CERCAM: variants seen among roughly 807,000 people sequenced by gnomAD.
CERCAM encodes cerebral endothelial cell adhesion molecule.
CERCAM carries 59 observed loss-of-function variants against 66.0 expected under a neutral mutation model. That is an observed-to-expected ratio of 0.89 (90% CI 0.73 to 1.11). CERCAM has a LOEUF of 1.11. Ranked by LOEUF, CERCAM falls within the 50% of genes most tolerant of loss-of-function variation. The probability of loss-of-function intolerance (pLI) is 0.00; values close to 1 mark genes in which losing one functional copy is unlikely to be tolerated. For synonymous variants in CERCAM, 318 were observed against 343.6 expected (o/e 0.93, Z 0.83); for missense variants, 840 against 828.3 (o/e 1.01, Z -0.17).
rs778329192 is a variant in CERCAM, at chr9:128,428,310, G to T, written c.775G>T (p.Val259Phe). 1 of 1,613,938 alleles carries T rather than the reference G, an allele frequency of 6.2e-7. No homozygotes were observed. ...AYACQAAGVS[V>F]HVCNEHRYGY... ...TCAGCCTGTCTCTGCAGGGGTCTCCGTCCACGTGTGCAATGAGCACCGTTA... is the reference window on the plus strand; with the variant it reads ...TCAGCCTGTCTCTGCAGGGGTCTCCTTCCACGTGTGCAATGAGCACCGTTA... Residue 259 changes from valine to phenylalanine, a missense_variant, in exon 6 of 13, where the codon GTC (valine) becomes TTC (phenylalanine). Transcript: ENST00000372838.
intron 9 of CERCAM, 77 bp downstream of exon 9, chr9:128,431,380 C>T (rs1181405579): frequency 2.2e-5 from 34 of 1,570,162 alleles, no homozygotes; most frequent in Middle Eastern, 1.7e-4. Flanking sequence ...GCTCTGTGAA[C>T]GAGTGAGTGA....
At chr9:128,419,490 G>C (rs1021111236), upstream of CERCAM, 7 of 152,280 alleles carry the variant, frequency 4.6e-5, no homozygotes, top group African/African-American at 1.7e-4. Flanking sequence ...AGCTCTTCCT[G>C]TGTGTAAGCC....
intron 8 of CERCAM, 23 bp from the exon 9 acceptor site, chr9:128,431,148 C>A (rs1457826011): frequency 6.2e-7 from 1 of 1,611,142 alleles, no homozygotes; most frequent in Non-Finnish European, 8.5e-7. Flanking sequence ...CACCCCTCAC[C>A]CCGCCACACC....
At chr9:128,423,333 T>G (rs1312643254) in intron 3 of CERCAM, 70 bp downstream of exon 3, 26 of 1,314,454 alleles carry the variant, frequency 2.0e-5, no homozygotes, top group Admixed American at 3.5e-5. Flanking sequence ...AATCTGGGTA[T>G]AGGCTGGGTG....
chr9:128,429,265 C>T (rs972042246), intron 8 of CERCAM, among the ~76,000 whole-genome samples: 1 of 152,160 alleles, frequency 6.6e-6, no homozygotes, highest in Non-Finnish European at 1.5e-5. Flanking sequence ...GGCTGAGGCT[C>T]CAGGGCCTGG....
rs1293362885 is a variant in CERCAM at position 128,428,352 on chromosome 9, C to G, written c.817C>G (p.Pro273Ala). The change falls in exon 6 of 13, where the codon CCG (proline) becomes GCG (alanine). Residue 273 changes from proline to alanine, a missense_variant. Coordinates refer to ENST00000372838, the MANE Select transcript of CERCAM (RefSeq NM_016174.5). ...GCACCGTTATGGGTACATGAATGTG[C>G]CGGTGAAATCCCACCAGGGGCTGGA... ...NEHRYGYMNV[P>A]VKSHQGLEDE... is the part of the protein sequence containing the mutation. 1.2e-6 allele frequency: 2 copies of G among 1,614,072 alleles called. No individual in the cohort carries two copies. Among genetic ancestry groups the G allele is most frequent in the Non-Finnish European group, 1.7e-6 (2 of 1,179,994 alleles).
At position 128,424,288 on chromosome 9, in the gene CERCAM, G is replaced by A; in HGVS notation, c.561+16G>A. The stretch of plus-strand genomic sequence containing the variant: ...CACCCCCCAGGTGAGGCCGGGATGG[G>A]GGCCTTGGGTGGACTGAGGTCCTGG... On this transcript the variant is annotated intron_variant, in intron 4 of 12. Transcript: ENST00000372838. 6.2e-7 allele frequency: 1 copy of A among 1,613,736 alleles called. No individual in the cohort carries two copies. The highest frequency in any genetic ancestry group is 8.5e-7 in the Non-Finnish European group (1 of 1,179,810).
Position 128,421,006 on chromosome 9 carries a change from A to G in CERCAM, c.129A>G (p.Glu43=). 6.8e-7 allele frequency: 1 copy of G among 1,463,790 alleles called. No individual in the cohort carries two copies. Among genetic ancestry groups the G allele is most frequent in the Non-Finnish European group, 9.0e-7 (1 of 1,108,008 alleles). 90.7% of individuals were successfully genotyped at this position (1,463,790 alleles called of 1,614,324 possible). A position where few individuals can be genotyped will look rare whatever the true frequency, so the allele number is the denominator to read the frequency against. Residue 43 remains glutamate (E), a synonymous_variant, in exon 1 of 13, where the codon GAA becomes GAG. Transcript: ENST00000372838. ...TTGCCATCCTGGCCCGCAATGCCGA[A>G]CACTCGCTGCCCCACTACCTGGGCG... The part of the protein sequence containing the change: ...VVLAILARNA[E]HSLPHYLGAL...
At chr9:128,428,503 C>A (rs766610003) in intron 6 of CERCAM, 82 bp downstream of exon 6, 4 of 1,536,592 alleles carry the variant, frequency 2.6e-6, no homozygotes, top group Non-Finnish European at 1.8e-6. Flanking sequence ...AGGCCCTGGA[C>A]GGAGCGGGCA....
At chr9:128,432,994 C>T (rs970593863) in intron 9 of CERCAM, among the ~76,000 whole-genome samples, 9 of 151,784 alleles carry the variant, frequency 5.9e-5, no homozygotes, top group Non-Finnish European at 1.2e-4. Flanking sequence ...ATTAGCCCGG[C>T]GTTGGCCGGG....
At position 128,436,335 on chromosome 9, in the gene CERCAM, C is replaced by T. The variant is rs192210087; in HGVS notation, c.*430C>T. ...AGCTCACTGCAACCTCTGCCTCCCG[C>T]GTCCCGGATTCAAGCGATTCTCCTG... On this transcript the variant is annotated intron_variant, in intron 12 of 12. Coordinates refer to ENST00000372838, the MANE Select transcript of CERCAM (RefSeq NM_016174.5). Among the ~76,000 whole-genome samples the T allele has an allele frequency of 2.0e-3, 302 of 152,226 alleles. 2 individuals carry two copies. The highest frequency in any genetic ancestry group is 9.0e-3 in the Admixed American group (137 of 15,270).
At chr9:128,423,394 A>G (rs1186973810) in intron 3 of CERCAM, 131 bp downstream of exon 3, 1 of 718,882 alleles carries the variant, frequency 1.4e-6, no homozygotes, top group Non-Finnish European at 2.4e-6. Context: ...AGGCAGGTGG[A>G]TCACCTGAGG....
chr9:128,429,521 C>T (rs994293391), intron 8 of CERCAM, among the ~76,000 whole-genome samples: 1 of 152,196 alleles, frequency 6.6e-6, no homozygotes, highest in African/African-American at 2.4e-5. Flanking sequence ...CCCCGAGGAA[C>T]CCAGAGGCTA....
At chr9:128,419,300 C>A (rs1833657626), upstream of CERCAM, 1 of 152,302 alleles carries the variant, frequency 6.6e-6, no homozygotes, top group Non-Finnish European at 1.5e-5. Context: ...CCTCTATGGA[C>A]CTTCAGCCCT....
In CERCAM at chr9:128,420,996, G is replaced by T. The variant is rs1381559359; in HGVS notation, c.119G>T (p.Arg40Leu). ...LPAVVLAILA[R>L]NAEHSLPHYL... ...GCCGTGGTCCTTGCCATCCTGGCCC[G>T]CAATGCCGAACACTCGCTGCCCCAC... The change falls in exon 1 of 13, where the codon CGC (arginine) becomes CTC (leucine). Residue 40 changes from arginine (R) to leucine (L), a missense_variant. Coordinates refer to ENST00000372838, the MANE Select transcript of CERCAM (RefSeq NM_016174.5). This position sits in a 1 kb window ranked among gnomAD's most constrained non-coding sequence, Gnocchi z 5.0. The T allele has an allele frequency of 4.1e-6, 6 of 1,465,090 alleles. No individual in the cohort carries two copies. Among genetic ancestry groups the T allele is most frequent in the Non-Finnish European group, 5.4e-6 (6 of 1,109,286 alleles). 90.8% of individuals were successfully genotyped at this position (1,465,090 alleles called of 1,614,324 possible).
chr9:128,420,759 G>A (rs1833687459), upstream of CERCAM: 4 of 304,588 alleles, frequency 1.3e-5, no homozygotes, highest in Admixed American at 5.2e-5. This position sits in a 1 kb window ranked among gnomAD's most constrained non-coding sequence, Gnocchi z 5.0. Context: ...CCACTCTGAG[G>A]GTGCACTGCC....
intron 7 of CERCAM, 32 bp downstream of exon 7, chr9:128,428,865 G>A (rs1833908188): frequency 6.2e-7 from 1 of 1,611,614 alleles, no homozygotes; most frequent in African/African-American, 1.3e-5. Flanking sequence ...CTCGCTGTTA[G>A]GAGGTGGATG....
chr9:128,434,125 G>T lies in CERCAM; in HGVS notation c.1227G>T (p.Arg409=), dbSNP rs1273411890. 3 of 1,614,182 alleles carry T rather than the reference G, an allele frequency of 1.9e-6. No individual in the cohort carries two copies. The highest frequency in any genetic ancestry group is 1.7e-6 in the Non-Finnish European group (2 of 1,180,028). The change falls in exon 10 of 13, where the codon CGG becomes CGT. Residue 409 remains arginine (R), a synonymous_variant. Coordinates refer to ENST00000372838, the MANE Select transcript of CERCAM (RefSeq NM_016174.5). The surrounding 1 kb of genome is among the most constrained non-coding windows in gnomAD (Gnocchi z 4.5). ...AGGTGGTTGCCAGGGGCCTGGCCCG[G>T]GTCCTGGTGTTTGAGGATGACGTGC... ...WEEVVARGLA[R]VLVFEDDVRF...
intron 12 of CERCAM, among the ~76,000 whole-genome samples, 174 bp downstream of exon 12, chr9:128,436,079 G>A (rs966220588): frequency 2.6e-5 from 4 of 151,890 alleles, no homozygotes; most frequent in Non-Finnish European, 5.9e-5. Flanking sequence ...TTTTTTAGAC[G>A]GAGTCTCGCT....
Sources: allele counts gnomAD v4.1 joint callset (sites outside exome capture counted in the v4.1 genomes callset), GRCh38; gene constraint gnomAD v4.1.1; non-coding constraint Gnocchi (gnomAD v3.1); transcripts MANE v1.5; gene names NCBI Gene and HGNC (gene_info 2026-07-23, HGNC 2026-07-21).